Variants in ODAD2 observed in about 807,000 individuals in gnomAD.
The protein encoded by ODAD2 is outer dynein arm docking complex subunit 2, also known as outer dynein arm-docking complex subunit 2.
A neutral mutation model predicts 106.8 loss-of-function variants in ODAD2; 89 were observed. The ratio of observed to expected loss-of-function variants is 0.83; its 90% CI spans 0.70 to 0.99. ODAD2 has a LOEUF of 0.99. Ranked by LOEUF, ODAD2 falls within the 50% of genes least tolerant of loss-of-function variation. The pLI is 0.00. For missense variants in ODAD2, 1,168 were observed against 1,238.5 expected, an observed-to-expected ratio of 0.94 and a Z score of 0.85; for synonymous variants, 404 against 436.2, an observed-to-expected ratio of 0.93 and a Z score of 0.92.
chr10:27,880,466 C>T (rs1180358225), intron 17 of ODAD2, among the ~76,000 whole-genome samples: 2 of 152,184 alleles, frequency 1.3e-5, no homozygotes, highest in East Asian at 1.9e-4. Context: ...GTTTTTAAAA[C>T]TTCCTAAGTT....
chr10:27,849,616 T>G (rs3004196), intron 19 of ODAD2, among the ~76,000 whole-genome samples: 2 of 152,066 alleles, frequency 1.3e-5, no homozygotes, highest in Non-Finnish European at 2.9e-5. Flanking sequence ...GAGCTCCCCA[T>G]GGAAAACTTA....
rs7917842 is a variant in ODAD2, at chr10:27,859,184, T to C, written c.3021+1441A>G. ...AGTCATATTGAGACAATGGCCTTTT[T>C]AGCATTCCTGAACAACTTGAAGTTA... On this transcript the variant is annotated intron_variant, in intron 19 of 19. Coordinates refer to ENST00000305242, the MANE Select transcript of ODAD2 (RefSeq NM_018076.5). Among the ~76,000 whole-genome samples, 1,266 of 152,244 alleles carry C rather than the reference T, an allele frequency of 8.3e-3. 22 individuals carry two copies. The highest frequency in any genetic ancestry group is 0.029 in the African/African-American group (1,204 of 41,556).
At chr10:27,980,318 A>C (rs1347188889) in intron 7 of ODAD2, among the ~76,000 whole-genome samples, 2 of 152,192 alleles carry the variant, frequency 1.3e-5, no homozygotes, top group Non-Finnish European at 2.9e-5. Flanking sequence ...TAAGAAAATA[A>C]GAAAAAATAG....
At chr10:27,958,744 T>C (rs1588610882) in intron 10 of ODAD2, 4 of 848,076 alleles carry the variant, frequency 4.7e-6, no homozygotes, top group African/African-American at 3.6e-5. Flanking sequence ...TTGTATTTCA[T>C]TTAATATTCT....
chr10:27,979,967 T>C (rs1185905054), intron 7 of ODAD2, among the ~76,000 whole-genome samples: 1 of 152,158 alleles, frequency 6.6e-6, no homozygotes, highest in Non-Finnish European at 1.5e-5. Context: ...AAAACTATTA[T>C]AACTAAAAGA....
intron 17 of ODAD2, among the ~76,000 whole-genome samples, chr10:27,884,821 A>G (rs73604093): frequency 0.015 from 2,233 of 152,222 alleles, 49 homozygotes; most frequent in African/African-American, 0.052. Context: ...ATATGGGGGA[A>G]AAAAATTAAA....
In ODAD2 at chr10:27,968,102, A is replaced by C. The variant is rs553382990; in HGVS notation, c.1238+821T>G. ...GGCACCATCATAACAATATTTCAACAAGCTATATGAACATGCTTGAAACAA... is the reference window on the plus strand; with the variant it reads ...GGCACCATCATAACAATATTTCAACCAGCTATATGAACATGCTTGAAACAA... On this transcript the variant is annotated intron_variant, in intron 9 of 19. Transcript: ENST00000305242. Among the ~76,000 whole-genome samples, 25 of 151,932 alleles carry C rather than the reference A, an allele frequency of 1.6e-4. No homozygotes were observed. The South Asian group carries it at 2.7e-3, about 17-fold the overall frequency.
chr10:27,995,004 G>C lies in ODAD2; in HGVS notation c.139C>G (p.Gln47Glu), dbSNP rs1850468491. Residue 47 changes from glutamine (Q) to glutamate (E), a missense_variant, in exon 2 of 20, where the codon CAA (glutamine) becomes GAA (glutamate). Coordinates refer to ENST00000305242, the MANE Select transcript of ODAD2 (RefSeq NM_018076.5). ...TCCACAAAAACAAATTTTGCCTCTTGAGGATGTTTATAGATAAAACTCTCC... is the reference window on the plus strand; with the variant it reads ...TCCACAAAAACAAATTTTGCCTCTTCAGGATGTTTATAGATAAAACTCTCC... ...FVESFIYKHPQEAKFVFVEPL... is the reference protein window; with the variant it reads ...FVESFIYKHPEEAKFVFVEPL... The C allele has an allele frequency of 6.2e-7, 1 of 1,614,164 alleles. No individual in the cohort carries two copies.
intron 16 of ODAD2, among the ~76,000 whole-genome samples, chr10:27,923,023 T>C (rs1844902302): frequency 7.3e-6 from 1 of 137,322 alleles, no homozygotes; most frequent in African/African-American, 2.5e-5. Context: ...GGTACAAAGA[T>C]AACCACTAGA....
chr10:27,862,705 G>A, intron 17 of ODAD2, 83 bp from the exon 18 acceptor site: 1 of 940,508 alleles, frequency 1.1e-6, no homozygotes, highest in South Asian at 2.2e-5. Flanking sequence ...TAACAATACA[G>A]CTGTGAGGTA....
intron 17 of ODAD2, among the ~76,000 whole-genome samples, chr10:27,885,614 T>A (rs1484647894): frequency 4.1e-5 from 3 of 73,716 alleles, no homozygotes; most frequent in Non-Finnish European, 7.3e-5. Context: ...AAAATATATA[T>A]AAATATAAAT....
intron 2 of ODAD2, among the ~76,000 whole-genome samples, chr10:27,991,707 G>A (rs1850250585): frequency 6.6e-6 from 1 of 152,136 alleles, no homozygotes; most frequent in African/African-American, 2.4e-5. Context: ...TACCCACAAG[G>A]AGAGGCATCC....
intron 16 of ODAD2, among the ~76,000 whole-genome samples, chr10:27,910,432 A>G (rs1460086266): frequency 6.6e-6 from 1 of 152,052 alleles, no homozygotes; most frequent in African/African-American, 2.4e-5. Context: ...GCTATCTACT[A>G]AACACTAAGT....
intron 16 of ODAD2, among the ~76,000 whole-genome samples, chr10:27,913,495 A>T (rs1202274846): frequency 6.6e-6 from 1 of 152,172 alleles, no homozygotes; most frequent in Admixed American, 6.6e-5. Flanking sequence ...GACTTAATTG[A>T]ACTGAAGAGA....
At chr10:27,998,008 T>C (rs1850657406) in intron 1 of ODAD2, among the ~76,000 whole-genome samples, 1 of 152,236 alleles carries the variant, frequency 6.6e-6, no homozygotes, top group African/African-American at 2.4e-5. Context: ...ATCCAATAGA[T>C]ACCACAGATT....
At chr10:27,884,993 C>G (rs1294499484) in intron 17 of ODAD2, among the ~76,000 whole-genome samples, 1 of 151,760 alleles carries the variant, frequency 6.6e-6, no homozygotes, top group Non-Finnish European at 1.5e-5. Flanking sequence ...CTTTAAATGC[C>G]CAGTTTTCAA....
chr10:27,950,438 G>A (rs1847251081), intron 10 of ODAD2, among the ~76,000 whole-genome samples: 1 of 152,114 alleles, frequency 6.6e-6, no homozygotes, highest in South Asian at 2.1e-4. Context: ...GAACCCTGAG[G>A]AGAAAGAGAG....
At chr10:27,876,416 C>T (rs1589890896) in intron 17 of ODAD2, among the ~76,000 whole-genome samples, 2 of 152,224 alleles carry the variant, frequency 1.3e-5, no homozygotes, top group South Asian at 4.1e-4. Context: ...GCCTCCACTG[C>T]TGATACCCAG....
intron 9 of ODAD2, among the ~76,000 whole-genome samples, chr10:27,964,147 G>T (rs1188233545): frequency 1.3e-5 from 2 of 152,190 alleles, no homozygotes; most frequent in Non-Finnish European, 2.9e-5. Flanking sequence ...ACTTGAACCT[G>T]GAAGGCAGAG....
Sources: allele counts gnomAD v4.1 joint callset (sites outside exome capture counted in the v4.1 genomes callset), GRCh38; gene constraint gnomAD v4.1.1; transcripts MANE v1.5; gene names NCBI Gene and HGNC (gene_info 2026-07-23, HGNC 2026-07-21).